Variants in FOXP1 observed in about 807,000 individuals in gnomAD.
FOXP1 encodes the protein forkhead box protein P1.
Under a neutral mutation model 98.2 loss-of-function variants are expected in FOXP1, and 15 were observed. The observed-to-expected ratio is 0.15, with a 90% CI of 0.10 to 0.24. The LOEUF is 0.24. Ranked by LOEUF, FOXP1 falls within the 10% of genes least tolerant of loss-of-function variation. The pLI is 1.00. For synonymous variants in FOXP1, 371 were observed against 314.5 expected, an observed-to-expected ratio of 1.18 and a Z score of -1.90; for missense variants, 633 against 848.5, an observed-to-expected ratio of 0.75 and a Z score of 3.15.
rs773228350 is a variant in FOXP1 at position 70,957,443 on chromosome 3, A to G, written c.*1804T>C. ...ATTCTTTTGCCTCCTTTGATCAACA[A>G]TAAGAGGATATTTGGCTTCATCAGA... On this transcript the variant is annotated 3_prime_UTR_variant, in exon 21 of 21. Coordinates refer to ENST00000649528, the MANE Select transcript of FOXP1 (RefSeq NM_001349338.3). 17 of 230,118 alleles carry G rather than the reference A, an allele frequency of 7.4e-5. No homozygotes were observed. Among genetic ancestry groups the G allele is most frequent in the African/African-American group, 1.5e-4 (7 of 45,184 alleles). The allele number at this position is 230,118 out of a possible 1,614,324, so 14.3% of individuals were successfully genotyped here. A position where few individuals can be genotyped will look rare whatever the true frequency, so the allele number is the denominator to read the frequency against.
At chr3:71,303,525 T>C (rs2074023800) in intron 4 of FOXP1, among the ~76,000 whole-genome samples, 1 of 152,214 alleles carries the variant, frequency 6.6e-6, no homozygotes, top group South Asian at 2.1e-4. Context: ...TGCTGCCTCT[T>C]TAAATAGGGA....
In FOXP1 at chr3:70,977,630, G is replaced by A; in HGVS notation, c.1428+13C>T. On this transcript the variant is annotated intron_variant, in intron 16 of 20. Transcript: ENST00000649528. The stretch of plus-strand genomic sequence containing the variant: ...CTTCTGACAGAATTTCATATACTGT[G>A]TTATTTACTTACCTGCCTAATTAAA... 6.3e-7 allele frequency: 1 copy of A among 1,589,416 alleles called. No homozygotes were observed. The highest frequency in any genetic ancestry group is 8.6e-7 in the Non-Finnish European group (1 of 1,158,150).
chr3:71,065,528 CCTTT>C (rs2052370689), intron 7 of FOXP1: 1 of 152,204 alleles, frequency 6.6e-6, no homozygotes, highest in Admixed American at 6.5e-5. Context: ...TCCCCACACC[CCTTT>C]CTTTCCCAGA....
chr3:71,208,823 G>A lies in FOXP1; in HGVS notation c.-11-10431C>T, dbSNP rs184001501. The stretch of plus-strand genomic sequence containing the variant: ...AGGCCACTCTTTGAGAATCAAGGTC[G>A]AGGTAAATGCATTACAGAGTAAACA... On this transcript the variant is annotated intron_variant, in intron 5 of 20. Transcript: ENST00000649528. 5.3e-5 allele frequency among the ~76,000 whole-genome samples: 8 copies of A among 152,250 alleles called. No homozygotes were observed. In the South Asian group the frequency reaches 8.3e-4, roughly 16 times the overall value.
chr3:71,277,868 G>A (rs2071079389), intron 5 of FOXP1, among the ~76,000 whole-genome samples: 2 of 151,982 alleles, frequency 1.3e-5, no homozygotes, highest in African/African-American at 2.4e-5. Context: ...TGCCTAAAGT[G>A]GGGTAAGGTG....
intron 1 of FOXP1, 130 bp downstream of exon 1, chr3:71,583,441 T>A: frequency 1.0e-6 from 1 of 967,536 alleles, no homozygotes; most frequent in Non-Finnish European, 1.2e-6. Context: ...TTTTTTTCCA[T>A]TTTTTTTCTC....
At position 70,968,357 on chromosome 3, in the gene FOXP1, CAA is replaced by C. The variant is rs1322929804; in HGVS notation, c.1723-2303_1723-2302del. 2.1e-5 allele frequency: 3 copies of C among 140,762 alleles called. No individual in the cohort carries two copies. The Admixed American group carries it at 2.2e-4, about 10-fold the overall frequency. The allele number at this position is 140,762 out of a possible 1,614,324, so 8.7% of individuals were successfully genotyped here. A position where few individuals can be genotyped will look rare whatever the true frequency, so the allele number is the denominator to read the frequency against. On this transcript the variant is annotated intron_variant, in intron 19 of 20. Transcript: ENST00000649528. ...ATTTTCACTAACTGCTTCTGCCTAA[CAA>C]AGTGTTTTTTTTTTTTTTTTTTTGG...
chr3:70,987,748 A>C (rs1196581949), intron 14 of FOXP1, among the ~76,000 whole-genome samples: 1 of 152,234 alleles, frequency 6.6e-6, no homozygotes, highest in Non-Finnish European at 1.5e-5. Flanking sequence ...CTGCCTTTAA[A>C]GAAGAGCTGG....
intron 2 of FOXP1, among the ~76,000 whole-genome samples, chr3:71,544,248 CCA>C (rs1321356531): frequency 2.0e-5 from 3 of 150,898 alleles, no homozygotes; most frequent in African/African-American, 4.9e-5. Context: ...TGATATAAAT[CCA>C]GTTATAAAAT....
intron 3 of FOXP1, among the ~76,000 whole-genome samples, chr3:71,407,734 G>A (rs2108254999): frequency 6.6e-6 from 1 of 151,872 alleles, no homozygotes; most frequent in Admixed American, 6.6e-5. Flanking sequence ...ATTCCTGCTG[G>A]CGGATCATAA....
intron 2 of FOXP1, among the ~76,000 whole-genome samples, chr3:71,538,213 A>G (rs2044464287): frequency 6.6e-6 from 1 of 152,260 alleles, no homozygotes; most frequent in Non-Finnish European, 1.5e-5. Flanking sequence ...TTTAAACAAT[A>G]GAACTGAATG....
chr3:71,145,417 A>C (rs1274180468), intron 6 of FOXP1, among the ~76,000 whole-genome samples: 2 of 152,118 alleles, frequency 1.3e-5, no homozygotes, highest in Non-Finnish European at 2.9e-5. Context: ...CATGCCTGTA[A>C]TCCCAGCTAC....
chr3:71,576,955 G>A (rs2047766562), intron 2 of FOXP1, among the ~76,000 whole-genome samples: 1 of 152,130 alleles, frequency 6.6e-6, no homozygotes, highest in Non-Finnish European at 1.5e-5. Context: ...GTACAAGGCA[G>A]GGCATGTATT....
chr3:71,262,136 C>T (rs538894403), intron 5 of FOXP1, among the ~76,000 whole-genome samples: 42 of 151,234 alleles, frequency 2.8e-4, no homozygotes, highest in African/African-American at 9.5e-4. Context: ...CATGGTGGCA[C>T]GCACCTGTAA....
chr3:71,388,881 A>C (rs2080805474), intron 3 of FOXP1, among the ~76,000 whole-genome samples: 1 of 152,064 alleles, frequency 6.6e-6, no homozygotes, highest in Non-Finnish European at 1.5e-5. Flanking sequence ...TAACGTGTAG[A>C]GCGAATGGTC....
intron 5 of FOXP1, among the ~76,000 whole-genome samples, chr3:71,223,693 CAAAAAA>C (rs34686001): frequency 1.1e-5 from 1 of 90,118 alleles, no homozygotes; most frequent in Non-Finnish European, 2.6e-5. Context: ...GACTACGTCT[CAAAAAA>C]AAAAAAAAAA....
intron 3 of FOXP1, among the ~76,000 whole-genome samples, chr3:71,417,413 A>T (rs2108307359): frequency 6.6e-6 from 1 of 152,292 alleles, no homozygotes; most frequent in East Asian, 1.9e-4. Context: ...ACCATAAACC[A>T]TTCCAAGTTG....
At chr3:71,112,756 A>C (rs2058047291) in intron 6 of FOXP1, 119 bp from the exon 7 acceptor site, 1 of 737,232 alleles carries the variant, frequency 1.4e-6, no homozygotes. Context: ...ATTTCCTGGC[A>C]AATGAAACAG....
At chr3:71,016,475 C>G (rs1405993754) in intron 11 of FOXP1, among the ~76,000 whole-genome samples, 2 of 152,116 alleles carry the variant, frequency 1.3e-5, no homozygotes, top group Non-Finnish European at 2.9e-5. Flanking sequence ...TTCTTTCAGA[C>G]AAATTATTTT....
Sources: gnomAD v4.1 joint callset for allele counts (sites outside exome capture counted in the v4.1 genomes callset) on GRCh38, gnomAD v4.1.1 for gene constraint, MANE v1.5 for transcripts, NCBI Gene and HGNC (gene_info 2026-07-23, HGNC 2026-07-21) for gene names.